ADAMTS9: variants seen among roughly 807,000 people sequenced by gnomAD.
ADAMTS9 encodes the protein A disintegrin and metalloproteinase with thrombospondin motifs 9.
Under a neutral mutation model 257.1 loss-of-function variants are expected in ADAMTS9, and 107 were observed. That is an observed-to-expected ratio of 0.42 (90% CI 0.36 to 0.49). The LOEUF is 0.49. Among genes scored for constraint, ADAMTS9 ranks in the 20% least tolerant of loss-of-function variants. The pLI, the probability that ADAMTS9 is intolerant of heterozygous loss-of-function variation, is 0.03. For synonymous variants in ADAMTS9, 982 were observed against 880.9 expected (o/e 1.11, Z -2.03); for missense variants, 2,353 against 2,469.1 (o/e 0.95, Z 1.00).
At chr3:64,546,501 A>G (rs1238594854) in intron 32 of ADAMTS9, among the ~76,000 whole-genome samples, 2 of 152,242 alleles carry the variant, frequency 1.3e-5, no homozygotes, top group Non-Finnish European at 2.9e-5. Flanking sequence ...AACTTGCCCA[A>G]GGTTGTTCAC....
chr3:64,532,616 A>G (rs1247437373), intron 38 of ADAMTS9, among the ~76,000 whole-genome samples: 1 of 152,088 alleles, frequency 6.6e-6, no homozygotes, highest in African/African-American at 2.4e-5. Flanking sequence ...TGCATTTCCA[A>G]CGGGCCCCCA....
chr3:64,608,784 C>G (rs138014641), intron 22 of ADAMTS9, among the ~76,000 whole-genome samples: 48 of 151,854 alleles, frequency 3.2e-4, no homozygotes, highest in African/African-American at 1.2e-3. Flanking sequence ...CTAACTTATT[C>G]TATGAGGCCA....
intron 30 of ADAMTS9, among the ~76,000 whole-genome samples, chr3:64,554,254 T>G (rs972715018): frequency 6.6e-6 from 1 of 152,244 alleles, no homozygotes; most frequent in Non-Finnish European, 1.5e-5. Context: ...TAAAGACTAT[T>G]TTGCCAGCGG....
chr3:64,652,971 T>G (rs2106951687), intron 8 of ADAMTS9, among the ~76,000 whole-genome samples: 1 of 152,336 alleles, frequency 6.6e-6, no homozygotes, highest in South Asian at 2.1e-4. Flanking sequence ...CTAGGCTATG[T>G]GCATAAGGTA....
intron 37 of ADAMTS9, among the ~76,000 whole-genome samples, chr3:64,534,893 T>C (rs544621904): frequency 6.6e-6 from 1 of 152,270 alleles, no homozygotes; most frequent in African/African-American, 2.4e-5. Context: ...GTGCTGAGGC[T>C]GATTGAAAAC....
intron 11 of ADAMTS9, among the ~76,000 whole-genome samples, chr3:64,645,321 C>T (rs920738636): frequency 1.3e-5 from 2 of 152,124 alleles, no homozygotes; most frequent in African/African-American, 2.4e-5. Context: ...TTTCAAACCT[C>T]AGACTCACAA....
intron 2 of ADAMTS9, among the ~76,000 whole-genome samples, chr3:64,683,043 G>T (rs76839622): frequency 0.028 from 4,201 of 152,256 alleles, 239 homozygotes; most frequent in Admixed American, 0.13. Context: ...GGCAGCTCAG[G>T]TGTGGTCAGA....
chr3:64,584,990 T>A (rs2084110940), intron 28 of ADAMTS9, among the ~76,000 whole-genome samples: 1 of 152,176 alleles, frequency 6.6e-6, no homozygotes, highest in Admixed American at 6.6e-5. Context: ...AGCTCTTTAC[T>A]TCCATATTTC....
Position 64,591,800 on chromosome 3 carries a change from G to C in ADAMTS9, c.4356+2458C>G, listed in dbSNP as rs575559731. Among the ~76,000 whole-genome samples the C allele has an allele frequency of 6.6e-5, 10 of 152,324 alleles. No homozygotes were observed. The South Asian group carries it at 2.1e-3, about 32-fold the overall frequency. The stretch of plus-strand genomic sequence containing the variant: ...TCTTGACATCATCTAATGCATGGGA[G>C]TACTGGGAGAGAGAAAGCAACCAGG... On this transcript the variant is annotated intron_variant, in intron 28 of 39. Transcript: ENST00000498707.
At chr3:64,586,764 T>C (rs2106768708) in intron 28 of ADAMTS9, 1 of 152,248 alleles carries the variant, frequency 6.6e-6, no homozygotes, top group East Asian at 1.9e-4. Flanking sequence ...TTTACAGTCA[T>C]GGAGGAGAGA....
Position 64,604,701 on chromosome 3 carries a change from T to A in ADAMTS9, c.3475-370A>T, listed in dbSNP as rs140016204. On this transcript the variant is annotated intron_variant, in intron 23 of 39. Coordinates refer to ENST00000498707, the MANE Select transcript of ADAMTS9 (RefSeq NM_182920.2). ...ACGTTTTAAAACTCTGAAGGCCAAATGATGTTCTCACATTTCAATTAATTT... is the reference window on the plus strand; with the variant it reads ...ACGTTTTAAAACTCTGAAGGCCAAAAGATGTTCTCACATTTCAATTAATTT... 8.5e-5 allele frequency among the ~76,000 whole-genome samples: 13 copies of A among 152,362 alleles called. No homozygotes were observed. In the East Asian group the frequency reaches 2.1e-3, roughly 25 times the overall value.
chr3:64,643,230 G>A (rs939299457), intron 11 of ADAMTS9, among the ~76,000 whole-genome samples: 12 of 152,132 alleles, frequency 7.9e-5, no homozygotes, highest in South Asian at 4.1e-4. Flanking sequence ...ACATTTCTTA[G>A]AAAATATACA....
intron 39 of ADAMTS9, among the ~76,000 whole-genome samples, chr3:64,517,717 CTATAAA>C (rs1372613149): frequency 2.6e-5 from 4 of 151,712 alleles, no homozygotes; most frequent in Admixed American, 1.3e-4. Context: ...AGTCTTTTTT[CTATAAA>C]TATATGTTTA....
intron 3 of ADAMTS9, among the ~76,000 whole-genome samples, chr3:64,676,917 G>T (rs1210509742): frequency 6.6e-6 from 1 of 152,176 alleles, no homozygotes; most frequent in African/African-American, 2.4e-5. Context: ...CCAGGCCCAG[G>T]CAAACAAAAC....
intron 3 of ADAMTS9, among the ~76,000 whole-genome samples, chr3:64,659,342 T>G (rs1410181355): frequency 6.6e-6 from 1 of 151,906 alleles, no homozygotes; most frequent in East Asian, 1.9e-4. Context: ...CTGGTACACG[T>G]CTGTAATCCC....
chr3:64,601,325 A>T (rs2084456681), intron 26 of ADAMTS9, among the ~76,000 whole-genome samples: 1 of 152,198 alleles, frequency 6.6e-6, no homozygotes. Context: ...CTGAGGCTCA[A>T]AGAGGAGAAG....
rs2083448872 is a variant in ADAMTS9, at chr3:64,562,670, C to T, written c.4525-919G>A. ...TTCCAAATTTTTGTGATAGCTCAGC[C>T]TCCATTTTTTGGTCTGGTGTTGAGA... On this transcript the variant is annotated intron_variant, in intron 29 of 39. Coordinates refer to ENST00000498707, the MANE Select transcript of ADAMTS9 (RefSeq NM_182920.2). Among the ~76,000 whole-genome samples, 4 of 152,150 alleles carry T rather than the reference C, an allele frequency of 2.6e-5. No individual in the cohort carries two copies. The South Asian group carries it at 8.3e-4, about 32-fold the overall frequency.
At chr3:64,550,152 A>G (rs1251748203) in intron 31 of ADAMTS9, 1 of 152,194 alleles carries the variant, frequency 6.6e-6, no homozygotes, top group Admixed American at 6.5e-5. Flanking sequence ...TCATGCTATG[A>G]TTACTACTGG....
chr3:64,551,208 T>A, intron 30 of ADAMTS9, 146 bp from the exon 31 acceptor site: 1 of 977,112 alleles, frequency 1.0e-6, no homozygotes, highest in African/African-American at 1.7e-5. Context: ...TTTTTTTGTT[T>A]TTTTGGTTTT....
Sources: gnomAD v4.1 joint callset for allele counts (sites outside exome capture counted in the v4.1 genomes callset) on GRCh38, gnomAD v4.1.1 for gene constraint, MANE v1.5 for transcripts, NCBI Gene and HGNC (gene_info 2026-07-23, HGNC 2026-07-21) for gene names.